Variants in ARID1B observed in about 807,000 individuals in gnomAD.
The protein encoded by ARID1B is AT-rich interaction domain 1B.
ARID1B carries 30 observed loss-of-function variants against 212.3 expected under a neutral mutation model. The observed-to-expected ratio is 0.14, with a 90% confidence interval of 0.11 to 0.19. The LOEUF (loss-of-function observed/expected upper bound fraction) is 0.19. Ranked by LOEUF, ARID1B falls within the 10% of genes least tolerant of loss-of-function variation. The probability of loss-of-function intolerance (pLI) is 1.00; values close to 1 mark genes in which losing one functional copy is unlikely to be tolerated. For missense variants in ARID1B, 2,891 were observed against 3,204.0 expected, an observed-to-expected ratio of 0.90 and a Z score of 2.36; for synonymous variants, 1,402 against 1,301.7, an observed-to-expected ratio of 1.08 and a Z score of -1.66.
intron 4 of ARID1B, among the ~76,000 whole-genome samples, chr6:157,021,214 C>G (rs1780224946): frequency 6.6e-6 from 1 of 152,260 alleles, no homozygotes; most frequent in Non-Finnish European, 1.5e-5. Context: ...CGCGTCCACA[C>G]CTCGCCTTGG....
At chr6:157,114,555 A>C (rs1040932514) in intron 6 of ARID1B, among the ~76,000 whole-genome samples, 1 of 145,032 alleles carries the variant, frequency 6.9e-6, no homozygotes, top group African/African-American at 2.5e-5. Context: ...AAAAAAAGGT[A>C]TATCATGGAA....
intron 1 of ARID1B, among the ~76,000 whole-genome samples, chr6:156,801,289 C>T (rs1182492281): frequency 6.6e-6 from 1 of 150,386 alleles, no homozygotes; most frequent in Non-Finnish European, 1.5e-5. Context: ...CAACCTCTGC[C>T]TCCCGGTTTC....
chr6:156,879,785 A>G (rs1047642512), intron 2 of ARID1B, among the ~76,000 whole-genome samples: 1 of 152,204 alleles, frequency 6.6e-6, no homozygotes, highest in African/African-American at 2.4e-5. Context: ...ATGTGTATAT[A>G]TGTGCAGCGT....
intron 7 of ARID1B, among the ~76,000 whole-genome samples, chr6:157,133,925 A>G (rs377399000): frequency 9.9e-5 from 15 of 152,238 alleles, no homozygotes; most frequent in African/African-American, 3.6e-4. Context: ...ATACATATAT[A>G]TATGTTTTTT....
intron 7 of ARID1B, among the ~76,000 whole-genome samples, chr6:157,137,014 CA>C (rs1788964613): frequency 6.6e-6 from 1 of 152,056 alleles, no homozygotes. Context: ...CCCATCTCTA[CA>C]AAAAGATATA....
intron 5 of ARID1B, among the ~76,000 whole-genome samples, chr6:157,090,366 C>T (rs1347603125): frequency 1.3e-5 from 2 of 152,148 alleles, no homozygotes; most frequent in Non-Finnish European, 1.5e-5. Flanking sequence ...CTGAAAATTC[C>T]TGAATAGATT....
chr6:157,090,212 G>GC (rs1162824699), intron 5 of ARID1B, among the ~76,000 whole-genome samples: 2 of 152,216 alleles, frequency 1.3e-5, no homozygotes, highest in African/African-American at 2.4e-5. Context: ...GCTGTAAGCA[G>GC]CGGCAGTGTT....
chr6:157,040,800 T>C (rs748241586), intron 4 of ARID1B, among the ~76,000 whole-genome samples: 5 of 152,196 alleles, frequency 3.3e-5, no homozygotes, highest in Non-Finnish European at 5.9e-5. Context: ...AAATAGAGAT[T>C]CATTGTTTTG....
chr6:157,025,069 A>G (rs897661700), intron 4 of ARID1B, among the ~76,000 whole-genome samples: 17 of 152,372 alleles, frequency 1.1e-4, no homozygotes, highest in African/African-American at 4.1e-4. Context: ...GTATTAAATA[A>G]CAAAGAATTT....
intron 3 of ARID1B, among the ~76,000 whole-genome samples, chr6:156,909,329 T>C (rs934291306): frequency 2.6e-5 from 4 of 152,062 alleles, no homozygotes; most frequent in South Asian, 2.1e-4. Context: ...TTTCACCATG[T>C]TGGCCAGGCT....
At chr6:156,974,526 C>T (rs1019845666) in intron 4 of ARID1B, among the ~76,000 whole-genome samples, 27 of 152,106 alleles carry the variant, frequency 1.8e-4, no homozygotes, top group Admixed American at 1.3e-3. Flanking sequence ...GAAAACATAA[C>T]GCAGAACCAA....
Position 157,207,494 on chromosome 6 carries a change from A to G in ARID1B, c.6722A>G (p.Tyr2241Cys). ...QEKFYATLVR[Y>C]VGDRKNPVCR... Reference sequence around the variant, plus strand: ...AAATTCTATGCTACATTAGTTAGGTACGTTGGGGATCGCAAAAACCCAGTC... The same window carrying G: ...AAATTCTATGCTACATTAGTTAGGTGCGTTGGGGATCGCAAAAACCCAGTC... The change falls in exon 20 of 20, where the codon TAC becomes TGC. Residue 2241 changes from tyrosine to cysteine, a missense_variant. Around this residue, in one of 7 missense-constraint regions of ARID1B, gnomAD observed 187 missense variants for 306.5 expected, o/e 0.61. Transcript: ENST00000636930. The surrounding 1 kb of genome is among the most constrained non-coding windows in gnomAD (Gnocchi z 8.5). 1.2e-6 allele frequency: 2 copies of G among 1,614,142 alleles called. No homozygotes were observed. Among genetic ancestry groups the G allele is most frequent in the South Asian group, 2.2e-5 (2 of 91,084 alleles).
chr6:157,023,674 C>A (rs886173876), intron 4 of ARID1B: 2 of 152,308 alleles, frequency 1.3e-5, no homozygotes, highest in Middle Eastern at 3.4e-3. Context: ...AAAATGTTAA[C>A]CCAAATAAAT....
At chr6:157,110,404 G>C in intron 5 of ARID1B, 68 bp from the exon 6 acceptor site, 1 of 1,417,148 alleles carries the variant, frequency 7.1e-7, no homozygotes. Context: ...CTGTGTCTTG[G>C]TTTTGCATGA....
chr6:157,208,694 A>G lies in ARID1B; in HGVS notation c.*803A>G, dbSNP rs976093606. The G allele has an allele frequency of 3.1e-5, 7 of 224,420 alleles. No individual in the cohort carries two copies. Among genetic ancestry groups the G allele is most frequent in the South Asian group, 1.9e-4 (1 of 5,284 alleles). 13.9% of individuals were successfully genotyped at this position (224,420 alleles called of 1,614,324 possible). Reference sequence around the variant, plus strand: ...TGTATATAGAAGTTGTACATTAAACATACCCTCATTTTTTTCTTTTCTTTT... The same window carrying G: ...TGTATATAGAAGTTGTACATTAAACGTACCCTCATTTTTTTCTTTTCTTTT... On this transcript the variant is annotated 3_prime_UTR_variant, in exon 20 of 20. Transcript: ENST00000636930.
At chr6:157,039,318 A>ATTTTTTTTTTTTTTTTTTTTTTTTTT (rs1215591720) in intron 4 of ARID1B, among the ~76,000 whole-genome samples, 3 of 112,826 alleles carry the variant, frequency 2.7e-5, no homozygotes, top group Admixed American at 8.8e-5. Flanking sequence ...GAAATTTGAC[A>ATTTTTTTTTTTTTTTTTTTTTTTTTT]TTTCTTTTTT....
intron 2 of ARID1B, among the ~76,000 whole-genome samples, chr6:156,831,399 A>C (rs1698981597): frequency 6.6e-6 from 1 of 152,204 alleles, no homozygotes; most frequent in Admixed American, 6.5e-5. Flanking sequence ...TGTTTCCCTG[A>C]TGTGAGATTA....
At chr6:157,198,296 G>T (rs1194716815) in intron 16 of ARID1B, among the ~76,000 whole-genome samples, 2 of 152,326 alleles carry the variant, frequency 1.3e-5, no homozygotes, top group East Asian at 3.9e-4. Flanking sequence ...AATTAAATTT[G>T]AAGTATAGCT....
chr6:156,801,658 G>GTTA (rs1562395442), intron 1 of ARID1B, among the ~76,000 whole-genome samples: 1 of 151,868 alleles, frequency 6.6e-6, no homozygotes, highest in Non-Finnish European at 1.5e-5. Context: ...GTCTAAGGAT[G>GTTA]GTAAGAGCAG....
Sources: allele counts gnomAD v4.1 joint callset (sites outside exome capture counted in the v4.1 genomes callset), GRCh38; gene constraint gnomAD v4.1.1; regional missense constraint gnomAD v4.1.1; non-coding constraint Gnocchi (gnomAD v3.1); transcripts MANE v1.5; gene names NCBI Gene and HGNC (gene_info 2026-07-23, HGNC 2026-07-21).